The following MAGI3 variants were observed in gnomAD, a reference collection of about 807,000 sequenced individuals.
MAGI3 encodes membrane associated guanylate kinase, WW and PDZ domain containing 3.
In MAGI3, 43 loss-of-function variants were observed where a neutral mutation model predicts 121.8. The ratio of observed to expected loss-of-function variants is 0.35; its 90% confidence interval spans 0.28 to 0.46. The LOEUF is 0.46. Ranked by LOEUF, MAGI3 falls within the 20% of genes least tolerant of loss-of-function variation. The pLI is 1.00. For synonymous variants in MAGI3, 553 were observed against 639.3 expected, an observed-to-expected ratio of 0.86 and a Z score of 2.04; for missense variants, 1,547 against 1,797.3, an observed-to-expected ratio of 0.86 and a Z score of 2.52.
At chr1:113,460,638 T>A (rs557714980) in intron 1 of MAGI3, among the ~76,000 whole-genome samples, 122 of 152,088 alleles carry the variant, frequency 8.0e-4, no homozygotes, top group East Asian at 3.1e-3. Flanking sequence ...TGAAACCCCA[T>A]CTCTACTAAA....
At chr1:113,446,444 A>C (rs890417053) in intron 1 of MAGI3, among the ~76,000 whole-genome samples, 1 of 152,264 alleles carries the variant, frequency 6.6e-6, no homozygotes, top group African/African-American at 2.4e-5. Flanking sequence ...TCAGTGAAAT[A>C]CAAAGAAGGC....
In MAGI3 at chr1:113,683,149, G is replaced by A. The variant is rs1391383726; in HGVS notation, c.3581G>A (p.Arg1194Lys). 6.2e-7 allele frequency: 1 copy of A among 1,613,582 alleles called. No individual in the cohort carries two copies. The highest frequency in any genetic ancestry group is 1.1e-5 in the South Asian group (1 of 90,952). Residue 1194 changes from arginine to lysine, a missense_variant, in exon 21 of 21, where the codon AGG becomes AAG. Physicochemically the swap from Arg to Lys is conservative, Grantham distance 26 (BLOSUM62 2). Transcript: ENST00000307546. ...CTTCTCCAGAAAAATGTGAGTAAGA[G>A]GGATCCACCCAGCAGTCATGGGCAC... ...QSLLQKNVSKRDPPSSHGHSN... is the reference protein window; with the variant it reads ...QSLLQKNVSKKDPPSSHGHSN...
chr1:113,429,626 A>C (rs1653198163), intron 1 of MAGI3, among the ~76,000 whole-genome samples: 1 of 152,184 alleles, frequency 6.6e-6, no homozygotes, highest in Admixed American at 6.5e-5. Flanking sequence ...GGTTGCGGAA[A>C]GTGACCAGTC....
intron 2 of MAGI3, among the ~76,000 whole-genome samples, chr1:113,562,528 C>A (rs1402788528): frequency 1.3e-5 from 2 of 152,118 alleles, no homozygotes; most frequent in African/African-American, 4.8e-5. Flanking sequence ...AGTGCTATTC[C>A]CATTAAACTA....
At chr1:113,512,350 A>G (rs1657658767) in intron 1 of MAGI3, among the ~76,000 whole-genome samples, 1 of 152,174 alleles carries the variant, frequency 6.6e-6, no homozygotes, top group African/African-American at 2.4e-5. Flanking sequence ...AATTAACTCT[A>G]TTACTGCAGC....
chr1:113,671,929 C>A, intron 17 of MAGI3, 93 bp downstream of exon 17: 1 of 1,151,584 alleles, frequency 8.7e-7, no homozygotes. Context: ...CATCCACCCC[C>A]ATGCAGTAAT....
At chr1:113,634,086 T>A (rs1205415067) in intron 9 of MAGI3, among the ~76,000 whole-genome samples, 2 of 152,160 alleles carry the variant, frequency 1.3e-5, no homozygotes, top group Admixed American at 1.3e-4. Flanking sequence ...TGGGGTTGTT[T>A]GTTTTTGTCT....
chr1:113,400,739 A>C (rs912733414), intron 1 of MAGI3, among the ~76,000 whole-genome samples: 13 of 152,176 alleles, frequency 8.5e-5, no homozygotes, highest in Non-Finnish European at 1.5e-4. Flanking sequence ...AAATATTATT[A>C]ATTTTAGCTA....
chr1:113,565,796 AC>A (rs1660414215), intron 2 of MAGI3, among the ~76,000 whole-genome samples: 2 of 152,188 alleles, frequency 1.3e-5, no homozygotes, highest in African/African-American at 4.8e-5. Context: ...ATGAGCACAC[AC>A]TTGTGGGAAC....
At chr1:113,450,451 A>G (rs1385573151) in intron 1 of MAGI3, 5 of 1,114,982 alleles carry the variant, frequency 4.5e-6, no homozygotes, top group Non-Finnish European at 6.8e-6. Flanking sequence ...ATAGTAGTAG[A>G]GGGGGCTATG....
intron 1 of MAGI3, among the ~76,000 whole-genome samples, chr1:113,449,357 T>C (rs1654356102): frequency 1.6e-5 from 1 of 62,326 alleles, no homozygotes; most frequent in African/African-American, 5.7e-5. Context: ...GCATTACTTT[T>C]ATGGTGTGTG....
At chr1:113,544,256 A>G (rs1459930759) in intron 1 of MAGI3, among the ~76,000 whole-genome samples, 1 of 152,204 alleles carries the variant, frequency 6.6e-6, no homozygotes, top group Non-Finnish European at 1.5e-5. Context: ...AGAAGAAGTA[A>G]TAAGAGGGAC....
chr1:113,623,357 C>T (rs1650964002), intron 9 of MAGI3, among the ~76,000 whole-genome samples: 1 of 151,252 alleles, frequency 6.6e-6, no homozygotes, highest in Admixed American at 6.6e-5. Context: ...TGTAGTCACC[C>T]TATTGTGTTA....
chr1:113,570,250 C>A (rs1647225175), intron 2 of MAGI3, among the ~76,000 whole-genome samples: 1 of 152,158 alleles, frequency 6.6e-6, no homozygotes, highest in Non-Finnish European at 1.5e-5. Flanking sequence ...GATAGTATTC[C>A]ATGGTGTCCC....
intron 2 of MAGI3, among the ~76,000 whole-genome samples, chr1:113,579,738 A>G (rs1647888510): frequency 6.6e-6 from 1 of 152,122 alleles, no homozygotes. Context: ...TATGAGGTAG[A>G]TTTGGTGACT....
chr1:113,432,127 A>G (rs1653330882), intron 1 of MAGI3, among the ~76,000 whole-genome samples: 2 of 152,216 alleles, frequency 1.3e-5, no homozygotes, highest in Non-Finnish European at 2.9e-5. Context: ...TGCTGGGACA[A>G]TTGGTTATCT....
At position 113,475,687 on chromosome 1, in the gene MAGI3, T is replaced by C. The variant is rs187650349; in HGVS notation, c.317-73828T>C. Among the ~76,000 whole-genome samples the C allele has an allele frequency of 2.1e-3, 316 of 152,318 alleles. 1 individual carries two copies. The highest frequency in any genetic ancestry group is 1.0e-3 in the Non-Finnish European group (70 of 68,024). On this transcript the variant is annotated intron_variant, in intron 1 of 20. Coordinates refer to ENST00000307546, the MANE Select transcript of MAGI3 (RefSeq NM_001142782.2). Reference sequence around the variant, plus strand: ...ATACAGGGATATTGGTCTAAAATTCTCTTTTTTTGTTGTGTCTCTGCCAGG... The same window carrying C: ...ATACAGGGATATTGGTCTAAAATTCCCTTTTTTTGTTGTGTCTCTGCCAGG...
chr1:113,658,951 G>A lies in MAGI3; in HGVS notation c.2630-129G>A. The A allele has an allele frequency of 1.3e-6, 1 of 780,942 alleles. No individual in the cohort carries two copies. The allele number at this position is 780,942 out of a possible 1,614,324, so 48.4% of individuals were successfully genotyped here. A position where few individuals can be genotyped will look rare whatever the true frequency, so the allele number is the denominator to read the frequency against. On this transcript the variant is annotated intron_variant, in intron 15 of 20. Transcript: ENST00000307546. This position sits in a 1 kb window ranked among gnomAD's most constrained non-coding sequence, Gnocchi z 4.0. ...CGTTTGGATGCGATGATGACGTGTG[G>A]TACTTTTCTGTTATGTTTTTAAATA...
chr1:113,532,648 G>A (rs1397750742), intron 1 of MAGI3, among the ~76,000 whole-genome samples: 1 of 152,024 alleles, frequency 6.6e-6, no homozygotes, highest in East Asian at 1.9e-4. Context: ...AAATACGATA[G>A]TATTCTTCAA....
Sources: allele counts gnomAD v4.1 joint callset (sites outside exome capture counted in the v4.1 genomes callset), GRCh38; gene constraint gnomAD v4.1.1; non-coding constraint Gnocchi (gnomAD v3.1); transcripts MANE v1.5; gene names NCBI Gene and HGNC (gene_info 2026-07-23, HGNC 2026-07-21).